RBFOX1: variants seen among roughly 807,000 people sequenced by gnomAD.
RBFOX1 encodes RNA binding protein fox-1 homolog 1.
A neutral mutation model predicts 57.7 loss-of-function variants in RBFOX1; 8 were observed. That is an observed-to-expected ratio of 0.14 (90% CI 0.08 to 0.25). The LOEUF (loss-of-function observed/expected upper bound fraction) is 0.25, where lower values mean the gene tolerates loss of function less well. RBFOX1 is among the 10% of genes least tolerant of loss of function. The pLI is 1.00. For synonymous variants in RBFOX1, 326 were observed against 222.4 expected (o/e 1.47, Z -4.15); for missense variants, 611 against 548.5 (o/e 1.11, Z -1.14).
chr16:5,282,677 G>C (rs1172640947), intron 1 of RBFOX1, among the ~76,000 whole-genome samples: 1 of 152,134 alleles, frequency 6.6e-6, no homozygotes, highest in East Asian at 1.9e-4. Context: ...GATGATTTAG[G>C]GTATCTGGTA....
intron 2 of RBFOX1, among the ~76,000 whole-genome samples, chr16:6,403,422 G>A (rs1333935463): frequency 6.6e-6 from 1 of 151,802 alleles, no homozygotes; most frequent in Non-Finnish European, 1.5e-5. Flanking sequence ...GGAGTGCAGT[G>A]GTGTGACCAC....
chr16:6,782,544 A>G (rs991327680), intron 3 of RBFOX1, among the ~76,000 whole-genome samples: 7 of 152,072 alleles, frequency 4.6e-5, no homozygotes, highest in African/African-American at 1.7e-4. Context: ...TTTATGTCCA[A>G]TAAATGCTTA....
At chr16:7,687,812 G>A (rs1045587160) in intron 14 of RBFOX1, among the ~76,000 whole-genome samples, 2 of 151,966 alleles carry the variant, frequency 1.3e-5, no homozygotes, top group African/African-American at 2.4e-5. Flanking sequence ...AGACACAACT[G>A]TTTCCTGAAG....
intron 3 of RBFOX1, among the ~76,000 whole-genome samples, chr16:5,661,242 T>C (rs961208245): frequency 2.7e-5 from 4 of 150,902 alleles, no homozygotes; most frequent in African/African-American, 1.0e-4. Flanking sequence ...AAGGAAAATA[T>C]AACAATGAGT....
chr16:6,765,060 G>A (rs1345829179), intron 3 of RBFOX1, among the ~76,000 whole-genome samples: 1 of 152,090 alleles, frequency 6.6e-6, no homozygotes, highest in Non-Finnish European at 1.5e-5. Context: ...AATTTAAGCA[G>A]AAATCTAAAG....
chr16:7,209,952 G>A (rs1922590), intron 4 of RBFOX1, among the ~76,000 whole-genome samples: 95,146 of 151,976 alleles, frequency 0.63, 31,112 homozygotes, highest in African/African-American at 0.82. Flanking sequence ...CAAAATGAAA[G>A]CTTTTAAGCC....
intron 3 of RBFOX1, among the ~76,000 whole-genome samples, chr16:6,795,183 C>T (rs909013595): frequency 2.6e-5 from 4 of 152,090 alleles, no homozygotes; most frequent in African/African-American, 9.7e-5. Flanking sequence ...AGTGCTAATT[C>T]CAAGCTGGGT....
chr16:5,730,280 G>T (rs1396775438), intron 3 of RBFOX1, among the ~76,000 whole-genome samples: 1 of 152,156 alleles, frequency 6.6e-6, no homozygotes, highest in East Asian at 1.9e-4. Context: ...GATCCTTGGG[G>T]ATTTAGTGCC....
chr16:6,669,400 G>A (rs1198261537), intron 3 of RBFOX1, among the ~76,000 whole-genome samples: 1 of 152,126 alleles, frequency 6.6e-6, no homozygotes, highest in Non-Finnish European at 1.5e-5. Flanking sequence ...AAAACTGTGT[G>A]ATCTTTTTAC....
chr16:7,188,789 G>A (rs1420850256), intron 4 of RBFOX1, among the ~76,000 whole-genome samples: 2 of 152,142 alleles, frequency 1.3e-5, no homozygotes, highest in Non-Finnish European at 2.9e-5. Flanking sequence ...GCTGGTATAG[G>A]GCATGCTACG....
intron 1 of RBFOX1, among the ~76,000 whole-genome samples, chr16:6,105,996 T>G (rs1177336917): frequency 6.6e-6 from 1 of 152,110 alleles, no homozygotes; most frequent in Non-Finnish European, 1.5e-5. Context: ...ATTGCTTTAG[T>G]CTTTTTTTTT....
At chr16:7,418,119 A>G (rs1047801547) in intron 4 of RBFOX1, among the ~76,000 whole-genome samples, 5 of 151,920 alleles carry the variant, frequency 3.3e-5, no homozygotes, top group Admixed American at 1.3e-4. Context: ...CCTCTCCCCC[A>G]CGGCCAACCT....
At chr16:7,157,888 T>C (rs2077471374) in intron 4 of RBFOX1, among the ~76,000 whole-genome samples, 2 of 152,246 alleles carry the variant, frequency 1.3e-5, no homozygotes. Context: ...CTGTTCACTT[T>C]GACCCATTGG....
At chr16:6,412,044 A>G (rs2093473306) in intron 2 of RBFOX1, among the ~76,000 whole-genome samples, 2 of 151,710 alleles carry the variant, frequency 1.3e-5, no homozygotes, top group Non-Finnish European at 2.9e-5. Flanking sequence ...AGGCAGGAAA[A>G]TTGCTTGAAA....
intron 3 of RBFOX1, among the ~76,000 whole-genome samples, chr16:6,886,812 A>G (rs2064158140): frequency 6.6e-6 from 1 of 152,108 alleles, no homozygotes; most frequent in Non-Finnish European, 1.5e-5. Flanking sequence ...AAAAAGAATG[A>G]AAATGTGAAG....
chr16:7,520,843 T>G (rs909014025), intron 5 of RBFOX1, among the ~76,000 whole-genome samples: 6 of 152,226 alleles, frequency 3.9e-5, no homozygotes, highest in African/African-American at 1.4e-4. Flanking sequence ...CAATCAGACA[T>G]TATTTATTAA....
At chr16:5,662,208 A>G (rs923352597) in intron 3 of RBFOX1, among the ~76,000 whole-genome samples, 5 of 152,188 alleles carry the variant, frequency 3.3e-5, no homozygotes, top group Non-Finnish European at 5.9e-5. Flanking sequence ...CTGTTTGACT[A>G]TTTATACCTT....
chr16:5,263,255 G>A (rs1212657590), intron 1 of RBFOX1, among the ~76,000 whole-genome samples: 1 of 152,130 alleles, frequency 6.6e-6, no homozygotes, highest in Non-Finnish European at 1.5e-5. Flanking sequence ...TTGGTAGAAG[G>A]AGAAAAGATA....
chr16:6,855,224 C>A (rs960397912), intron 3 of RBFOX1, among the ~76,000 whole-genome samples: 1 of 151,756 alleles, frequency 6.6e-6, no homozygotes, highest in African/African-American at 2.4e-5. Flanking sequence ...GATAAGCATG[C>A]AGTGAACATA....
Sources: gnomAD v4.1 joint callset for allele counts (sites outside exome capture counted in the v4.1 genomes callset) on GRCh38, gnomAD v4.1.1 for gene constraint, MANE v1.5 for transcripts, NCBI Gene and HGNC (gene_info 2026-07-23, HGNC 2026-07-21) for gene names.